Variants in OLFML2A observed in about 807,000 individuals in gnomAD.
OLFML2A encodes the protein olfactomedin like 2A.
Under a neutral mutation model 60.9 loss-of-function variants are expected in OLFML2A, and 47 were observed. The observed-to-expected ratio is 0.77, with a 90% CI of 0.61 to 0.98. OLFML2A has a LOEUF of 0.98. Ranked by LOEUF, OLFML2A falls within the 50% of genes least tolerant of loss-of-function variation. OLFML2A has a pLI of 0.00. For synonymous variants in OLFML2A, 372 were observed against 375.0 expected (o/e 0.99, Z 0.09); for missense variants, 922 against 879.8 (o/e 1.05, Z -0.61).
chr9:124,804,133 C>T lies in OLFML2A; in HGVS notation c.959C>T (p.Pro320Leu), dbSNP rs548410915. Residue 320 changes from proline (P) to leucine (L), a missense_variant, in exon 6 of 8, where the codon CCG (proline) becomes CTG (leucine). By Grantham distance (98) the Pro-to-Leu change is moderately conservative (BLOSUM62 -3). Transcript: ENST00000373580. ...GGCACTTCCTGGCTGGAGCAACTGC[C>T]GCCCAAGGTGGAGGGCAGGTCCAAC... ...LQGTSWLEQLPPKVEGRSNSA... is the reference protein window; with the variant it reads ...LQGTSWLEQLLPKVEGRSNSA... 57 of 1,614,058 alleles carry T rather than the reference C, an allele frequency of 3.5e-5. 1 individual carries two copies. The South Asian group carries it at 4.5e-4, about 13-fold the overall frequency.
At chr9:124,800,885 G>C (rs1841760515) in intron 4 of OLFML2A, 2 of 1,516,826 alleles carry the variant, frequency 1.3e-6, no homozygotes, top group African/African-American at 2.8e-5. Flanking sequence ...ATATCCTAGA[G>C]GTTGGGTGAC....
intron 5 of OLFML2A, 146 bp downstream of exon 5, chr9:124,801,809 G>A: frequency 1.1e-6 from 1 of 916,706 alleles, no homozygotes; most frequent in African/African-American, 1.7e-5. Flanking sequence ...TCACATATGA[G>A]GATAACACCC....
At chr9:124,795,502 G>A (rs1343900861) in intron 3 of OLFML2A, among the ~76,000 whole-genome samples, 1 of 152,228 alleles carries the variant, frequency 6.6e-6, no homozygotes, top group African/African-American at 2.4e-5. Context: ...TCAGTGGCCT[G>A]GCGCAGTGCC....
intron 2 of OLFML2A, among the ~76,000 whole-genome samples, chr9:124,790,300 G>A (rs1841547262): frequency 6.6e-6 from 1 of 152,092 alleles, no homozygotes; most frequent in Non-Finnish European, 1.5e-5. Context: ...CTCCTGAGTG[G>A]CTGGGATTAC....
At chr9:124,805,159 C>A (rs1216675529) in intron 6 of OLFML2A, among the ~76,000 whole-genome samples, 2 of 152,130 alleles carry the variant, frequency 1.3e-5, no homozygotes, top group Non-Finnish European at 2.9e-5. Context: ...TGGTAGAAAT[C>A]TTCCTCGTTA....
At chr9:124,782,082 G>A (rs1456958664) in intron 1 of OLFML2A, among the ~76,000 whole-genome samples, 1 of 152,226 alleles carries the variant, frequency 6.6e-6, no homozygotes, top group Admixed American at 6.5e-5. Flanking sequence ...CAGACTTCAT[G>A]CCAAGGGCAG....
chr9:124,794,300 G>A (rs1052374586), intron 2 of OLFML2A, among the ~76,000 whole-genome samples: 7 of 152,192 alleles, frequency 4.6e-5, no homozygotes, highest in Non-Finnish European at 1.0e-4. Flanking sequence ...GGCACTTTGG[G>A]GGCGAAGCAA....
At position 124,810,215 on chromosome 9, in the gene OLFML2A, G is replaced by A. The variant is rs199680116; in HGVS notation, c.1762G>A (p.Val588Met). The A allele has an allele frequency of 4.6e-5, 75 of 1,613,506 alleles. No individual in the cohort carries two copies. The highest frequency in any genetic ancestry group is 1.6e-4 in the Middle Eastern group (1 of 6,084). ...CCTGGTGTGCGGCATCCTGTATGCCGTGGACACGTACAACCAGCAGGAAGG... is the reference window on the plus strand; with the variant it reads ...CCTGGTGTGCGGCATCCTGTATGCCATGGACACGTACAACCAGCAGGAAGG... ...CFLVCGILYAVDTYNQQEGQV... is the reference protein window; with the variant it reads ...CFLVCGILYAMDTYNQQEGQV... Residue 588 changes from valine to methionine, a missense_variant, in exon 8 of 8, where the codon GTG becomes ATG. By Grantham distance (21) the Val-to-Met change is conservative. Transcript: ENST00000373580.
intron 7 of OLFML2A, among the ~76,000 whole-genome samples, chr9:124,809,604 T>C (rs537962196): frequency 1.3e-5 from 2 of 152,008 alleles, no homozygotes; most frequent in Non-Finnish European, 2.9e-5. Context: ...CTGAGCCTTT[T>C]TTTTTTTAAG....
chr9:124,779,344 T>A lies in OLFML2A; in HGVS notation c.90+1984T>A, dbSNP rs974051305. On this transcript the variant is annotated intron_variant, in intron 1 of 7. Coordinates refer to ENST00000373580, the MANE Select transcript of OLFML2A (RefSeq NM_182487.4). This position sits in a 1 kb window ranked among gnomAD's most constrained non-coding sequence, Gnocchi z 4.1. ...GGTATGATGACAAGTGAGTAGAAAATCCTAGGTAACCTGATCAGTGCCTTG... is the reference window on the plus strand; with the variant it reads ...GGTATGATGACAAGTGAGTAGAAAAACCTAGGTAACCTGATCAGTGCCTTG... 5.3e-5 allele frequency among the ~76,000 whole-genome samples: 8 copies of A among 152,068 alleles called. No individual in the cohort carries two copies. Among genetic ancestry groups the A allele is most frequent in the Admixed American group, 2.0e-4 (3 of 15,258 alleles).
intron 2 of OLFML2A, 111 bp downstream of exon 2, chr9:124,787,349 A>C: frequency 9.5e-7 from 1 of 1,049,156 alleles, no homozygotes; most frequent in Non-Finnish European, 1.4e-6. Context: ...TTACTGCCCC[A>C]TTTCACAGAT....
chr9:124,803,968 G>A (rs1841834781), intron 5 of OLFML2A, 126 bp from the exon 6 acceptor site: 1 of 1,002,706 alleles, frequency 1.0e-6, no homozygotes, highest in Non-Finnish European at 1.4e-6. Flanking sequence ...GGTGTGAGGA[G>A]GCCCTGAGGA....
chr9:124,783,006 A>G (rs75409668), intron 1 of OLFML2A, among the ~76,000 whole-genome samples: 2,807 of 151,644 alleles, frequency 0.019, 59 homozygotes, highest in East Asian at 0.092. Flanking sequence ...TAGGGCGCTA[A>G]CTCTGAGGAA....
At chr9:124,793,163 C>T (rs1432293851) in intron 2 of OLFML2A, among the ~76,000 whole-genome samples, 1 of 152,240 alleles carries the variant, frequency 6.6e-6, no homozygotes, top group Admixed American at 6.5e-5. Flanking sequence ...TGCCGGAGGG[C>T]TCAGGGTGGG....
In OLFML2A at chr9:124,790,173, A is replaced by AT. The variant is rs568220238; in HGVS notation, c.354+2947dup. Among the ~76,000 whole-genome samples the AT allele has an allele frequency of 1.9e-3, 285 of 147,304 alleles. 2 individuals carry two copies. Among genetic ancestry groups the AT allele is most frequent in the South Asian group, 0.012 (54 of 4,662 alleles). On this transcript the variant is annotated intron_variant, in intron 2 of 7. Transcript: ENST00000373580. Reference sequence around the variant, plus strand: ...ATAGCAAGAAAGTGGCAGTATTAAGATTTTTTTTTTTTGAGACAGAGTCTT... The same window carrying AT: ...ATAGCAAGAAAGTGGCAGTATTAAGATTTTTTTTTTTTTGAGACAGAGTCTT...
At position 124,810,357 on chromosome 9, in the gene OLFML2A, T is replaced by C; in HGVS notation, c.1904T>C (p.Leu635Pro). The change falls in exon 8 of 8, where the codon CTG becomes CCG. Residue 635 changes from leucine (L) to proline (P), a missense_variant. Coordinates refer to ENST00000373580, the MANE Select transcript of OLFML2A (RefSeq NM_182487.4). ...GACTACAACCCCAAGGAGCGGGTGCTGTACGCCTGGGACAATGGCCACCAG... is the reference window on the plus strand; with the variant it reads ...GACTACAACCCCAAGGAGCGGGTGCCGTACGCCTGGGACAATGGCCACCAG... ...QIDYNPKERV[L>P]YAWDNGHQLT... 1 of 1,603,070 alleles carries C rather than the reference T, an allele frequency of 6.2e-7. No individual in the cohort carries two copies. Among genetic ancestry groups the C allele is most frequent in the Non-Finnish European group, 8.5e-7 (1 of 1,179,898 alleles).
chr9:124,802,517 T>C (rs1049737191), intron 5 of OLFML2A, among the ~76,000 whole-genome samples: 1 of 152,252 alleles, frequency 6.6e-6, no homozygotes. Flanking sequence ...CTCTTTACCC[T>C]GGTCCCAGCT....
intron 6 of OLFML2A, among the ~76,000 whole-genome samples, chr9:124,806,601 T>A (rs2131277834): frequency 6.6e-6 from 1 of 151,950 alleles, no homozygotes; most frequent in Non-Finnish European, 1.5e-5. Context: ...ATTTTTAATG[T>A]TTATTTTTAT....
intron 1 of OLFML2A, among the ~76,000 whole-genome samples, chr9:124,781,233 A>T (rs765004826): frequency 6.6e-6 from 1 of 152,112 alleles, no homozygotes; most frequent in Non-Finnish European, 1.5e-5. Context: ...GAGGTCAGAG[A>T]TATTTAGGAT....
Sources: allele counts gnomAD v4.1 joint callset (sites outside exome capture counted in the v4.1 genomes callset), GRCh38; gene constraint gnomAD v4.1.1; non-coding constraint Gnocchi (gnomAD v3.1); transcripts MANE v1.5; gene names NCBI Gene and HGNC (gene_info 2026-07-23, HGNC 2026-07-21).